The following DNAH1 variants were observed in gnomAD, a reference collection of about 807,000 sequenced individuals.
DNAH1 encodes the protein dynein axonemal heavy chain 1, also known as axonemal beta dynein heavy chain 1.
In DNAH1, 327 loss-of-function variants were observed where a neutral mutation model predicts 484.3. The ratio of observed to expected loss-of-function variants is 0.68; its 90% CI spans 0.62 to 0.74. The LOEUF (loss-of-function observed/expected upper bound fraction) is 0.74. Among genes scored for constraint, DNAH1 ranks in the 30% least tolerant of loss-of-function variants. The pLI is 0.00. For synonymous variants in DNAH1, 2,192 were observed against 2,191.9 expected (o/e 1.00, Z 0.00); for missense variants, 5,052 against 5,546.8 (o/e 0.91, Z 2.83).
intron 5 of DNAH1, among the ~76,000 whole-genome samples, chr3:52,327,618 G>C (rs1701393783): frequency 6.6e-6 from 1 of 152,190 alleles, no homozygotes; most frequent in South Asian, 2.1e-4. Context: ...CTGAGCCTCA[G>C]GTGGCTTGGC....
At position 52,386,808 on chromosome 3, in the gene DNAH1, G is replaced by T; in HGVS notation, c.8958G>T (p.Leu2986=). ...ACTGGGAGCCTGGCAAGGGGCTGCT[G>T]CAGGACCCGGGCCACTTCCTTGAGA... The part of the protein sequence containing the change: ...DDYWEPGKGL[L]QDPGHFLESL... The change falls in exon 56 of 78, where the codon CTG becomes CTT. Residue 2986 remains leucine (L), a synonymous_variant. Transcript: ENST00000420323. 2 of 1,591,184 alleles carry T rather than the reference G, an allele frequency of 1.3e-6. No homozygotes were observed. The highest frequency in any genetic ancestry group is 1.7e-6 in the Non-Finnish European group (2 of 1,169,190).
intron 1 of DNAH1, among the ~76,000 whole-genome samples, chr3:52,318,106 C>G: frequency 6.6e-6 from 1 of 152,220 alleles, no homozygotes; most frequent in Non-Finnish European, 1.5e-5. Flanking sequence ...GGCTGGAGTG[C>G]AATGGCGCGA....
rs370197256 is a variant in DNAH1, at chr3:52,372,998, C to T, written c.6930C>T (p.Ile2310=). 66 of 1,613,604 alleles carry T rather than the reference C, an allele frequency of 4.1e-5. 1 individual carries two copies. The East Asian group carries it at 4.5e-4, about 11-fold the overall frequency. ...ALETYGAQPP[I]ELLRQWMDHG... ...AGACCTACGGTGCACAGCCACCCAT[C>T]GAGCTGTTGCGCCAGTGGATGGACC... Residue 2310 remains isoleucine (I), a synonymous_variant, in exon 44 of 78, where the codon ATC becomes ATT. Transcript: ENST00000420323.
chr3:52,348,463 C>A (rs1413188620), intron 12 of DNAH1, among the ~76,000 whole-genome samples: 24 of 152,194 alleles, frequency 1.6e-4, no homozygotes, highest in Non-Finnish European at 1.9e-4. Context: ...CCCCACCAGT[C>A]ACTGCCACTG....
At chr3:52,319,822 A>G (rs559440057) in intron 1 of DNAH1, among the ~76,000 whole-genome samples, 4 of 152,142 alleles carry the variant, frequency 2.6e-5, no homozygotes, top group Non-Finnish European at 5.9e-5. Context: ...TGAGGGATGG[A>G]GGGGAAACAG....
At chr3:52,345,442 C>T in intron 9 of DNAH1, 53 bp from the exon 10 acceptor site, 2 of 1,484,870 alleles carry the variant, frequency 1.3e-6, no homozygotes, top group Non-Finnish European at 1.8e-6. Context: ...TGTCCTGTCC[C>T]CTGGTTTGGC....
rs533022198 is a variant in DNAH1, at chr3:52,341,625, G to C, written c.1287-2865G>C. ...AATCTTAGCTCACTGCAAAGGGCTTGACTTTTATATATCTGCATCAGTGGT... is the reference window on the plus strand; with the variant it reads ...AATCTTAGCTCACTGCAAAGGGCTTCACTTTTATATATCTGCATCAGTGGT... On this transcript the variant is annotated intron_variant, in intron 8 of 77. Coordinates refer to ENST00000420323, the MANE Select transcript of DNAH1 (RefSeq NM_015512.5). Among the ~76,000 whole-genome samples the C allele has an allele frequency of 1.8e-3, 273 of 148,316 alleles. 2 individuals carry two copies. The highest frequency in any genetic ancestry group is 4.4e-4 in the Non-Finnish European group (30 of 67,518).
Position 52,398,842 on chromosome 3 carries a change from C to A in DNAH1, c.12090-8C>A. ...CCACTACCTATTCTCTTGCCACTGG[C>A]CTCACAGGTACAATCGGCTGCTGCA... On this transcript the variant is annotated splice_region_variant and splice_polypyrimidine_tract_variant and intron_variant, in intron 75 of 77. Coordinates refer to ENST00000420323, the MANE Select transcript of DNAH1 (RefSeq NM_015512.5). 2 of 1,524,678 alleles carry A rather than the reference C, an allele frequency of 1.3e-6. No homozygotes were observed. The highest frequency in any genetic ancestry group is 1.8e-6 in the Non-Finnish European group (2 of 1,132,920). The allele number at this position is 1,524,678 out of a possible 1,614,324, so 94.4% of individuals were successfully genotyped here.
intron 63 of DNAH1, 106 bp from the exon 64 acceptor site, chr3:52,392,358 G>T: frequency 2.0e-6 from 2 of 1,017,306 alleles, no homozygotes. Context: ...CAAGGATGCT[G>T]GGCTCTTGGA....
Position 52,395,558 on chromosome 3 carries a change from A to C in DNAH1, c.11139A>C (p.Ala3713=). The C allele has an allele frequency of 6.2e-7, 1 of 1,613,690 alleles. No individual in the cohort carries two copies. The highest frequency in any genetic ancestry group is 1.3e-5 in the African/African-American group (1 of 75,068). ...ISLGQGQGPR[A]EAMMRSSIER... is the part of the protein sequence containing the mutation. ...TCTTGCCCCTGCAGGGCCCTCGGGCAGAAGCCATGATGCGCAGCTCCATAG... is the reference window on the plus strand; with the variant it reads ...TCTTGCCCCTGCAGGGCCCTCGGGCCGAAGCCATGATGCGCAGCTCCATAG... The change falls in exon 70 of 78, where the codon GCA becomes GCC. Residue 3713 remains alanine (A), a synonymous_variant. Coordinates refer to ENST00000420323, the MANE Select transcript of DNAH1 (RefSeq NM_015512.5). This position sits in a 1 kb window ranked among gnomAD's most constrained non-coding sequence, Gnocchi z 4.4.
intron 4 of DNAH1, 69 bp downstream of exon 4, chr3:52,326,383 C>T (rs1701346129): frequency 1.3e-6 from 2 of 1,512,084 alleles, no homozygotes; most frequent in African/African-American, 1.4e-5. Flanking sequence ...GGATGAGGAA[C>T]TGCAGATCAC....
chr3:52,392,803 C>T, intron 64 of DNAH1, 27 bp from the exon 65 acceptor site: 1 of 533,002 alleles, frequency 1.9e-6, no homozygotes, highest in Non-Finnish European at 3.5e-6. Flanking sequence ...GCTCTTTGAC[C>T]CCTCCCCCCA....
chr3:52,363,029 A>G lies in DNAH1; in HGVS notation c.5129A>G (p.Asp1710Gly). The change falls in exon 32 of 78, where the codon GAT becomes GGT. Residue 1710 changes from aspartate (D) to glycine (G), a missense_variant. Coordinates refer to ENST00000420323, the MANE Select transcript of DNAH1 (RefSeq NM_015512.5). The part of the protein sequence containing the change: ...LFRPVAMMVP[D>G]YAMITEISLY... ...CGACCCGTGGCCATGATGGTTCCAGATTACGCCATGATCACTGAGATCTCC... is the reference window on the plus strand; with the variant it reads ...CGACCCGTGGCCATGATGGTTCCAGGTTACGCCATGATCACTGAGATCTCC... 6.2e-7 allele frequency: 1 copy of G among 1,613,998 alleles called. No individual in the cohort carries two copies. Among genetic ancestry groups the G allele is most frequent in the Non-Finnish European group, 8.5e-7 (1 of 1,179,866 alleles).
rs1703168839 is a variant in DNAH1 at position 52,368,310 on chromosome 3, A to C, written c.5766-431A>C. ...CTGGACCAAGCACAGCATCTTCATC[A>C]GCCCTACCAGCCCCTTCCCTGGTGC... On this transcript the variant is annotated intron_variant, in intron 36 of 77. Coordinates refer to ENST00000420323, the MANE Select transcript of DNAH1 (RefSeq NM_015512.5). This position sits in a 1 kb window ranked among gnomAD's most constrained non-coding sequence, Gnocchi z 4.4. Among the ~76,000 whole-genome samples, 1 of 152,176 alleles carries C rather than the reference A, an allele frequency of 6.6e-6. No individual in the cohort carries two copies. Among genetic ancestry groups the C allele is most frequent in the Non-Finnish European group, 1.5e-5 (1 of 68,020 alleles).
At chr3:52,354,620 G>C in intron 20 of DNAH1, among the ~76,000 whole-genome samples, 1 of 149,338 alleles carries the variant, frequency 6.7e-6, no homozygotes, top group Non-Finnish European at 1.5e-5. Flanking sequence ...GCTACAGAGC[G>C]AGACTCCACC....
chr3:52,391,643 G>A (rs1704392501), intron 63 of DNAH1, 40 bp downstream of exon 63: 5 of 1,609,330 alleles, frequency 3.1e-6, no homozygotes, highest in Non-Finnish European at 4.2e-6. Context: ...CATCAGCTCT[G>A]CCTCTGCCTG....
At chr3:52,352,361 T>C (rs1211282156) in intron 17 of DNAH1, among the ~76,000 whole-genome samples, 191 bp from the exon 18 acceptor site, 1 of 152,108 alleles carries the variant, frequency 6.6e-6, no homozygotes, top group African/African-American at 2.4e-5. Context: ...TACTGGGCAG[T>C]GGGCACAGTG....
At chr3:52,333,391 C>CTTTTT (rs34307560) in intron 8 of DNAH1, among the ~76,000 whole-genome samples, 7 of 137,562 alleles carry the variant, frequency 5.1e-5, no homozygotes, top group African/African-American at 5.5e-5. Flanking sequence ...TTCTTTCTTT[C>CTTTTT]TTTTTTTTTT....
chr3:52,356,287 C>G (rs1410436965), intron 21 of DNAH1, among the ~76,000 whole-genome samples: 2 of 152,210 alleles, frequency 1.3e-5, no homozygotes, highest in Admixed American at 1.3e-4. Context: ...GTCTCCCAGG[C>G]ACCGAGTGTT....
Sources: allele counts gnomAD v4.1 joint callset (sites outside exome capture counted in the v4.1 genomes callset), GRCh38; gene constraint gnomAD v4.1.1; non-coding constraint Gnocchi (gnomAD v3.1); transcripts MANE v1.5; gene names NCBI Gene and HGNC (gene_info 2026-07-23, HGNC 2026-07-21).